Variants in ARHGAP15 observed in about 807,000 individuals in gnomAD.
ARHGAP15 encodes rho GTPase-activating protein 15.
ARHGAP15 carries 51 observed loss-of-function variants against 63.7 expected under a neutral mutation model. The ratio of observed to expected loss-of-function variants is 0.80; its 90% CI spans 0.64 to 1.01. The LOEUF is 1.01. Among genes scored for constraint, ARHGAP15 ranks in the 50% least tolerant of loss-of-function variants. The pLI, the probability that ARHGAP15 is intolerant of heterozygous loss-of-function variation, is 0.00. For missense variants in ARHGAP15, 560 were observed against 564.6 expected (o/e 0.99, Z 0.08); for synonymous variants, 191 against 193.8 (o/e 0.99, Z 0.12).
At chr2:143,402,337 G>A (rs1407910725) in intron 6 of ARHGAP15, among the ~76,000 whole-genome samples, 1 of 151,862 alleles carries the variant, frequency 6.6e-6, no homozygotes, top group African/African-American at 2.4e-5. Context: ...ATTAAAGAGA[G>A]AATGAGAGGC....
chr2:143,323,038 C>T (rs1684094088), intron 6 of ARHGAP15, among the ~76,000 whole-genome samples: 1 of 152,170 alleles, frequency 6.6e-6, no homozygotes, highest in African/African-American at 2.4e-5. Flanking sequence ...CTCCCTTGAC[C>T]AAAGCTTCCA....
intron 6 of ARHGAP15, among the ~76,000 whole-genome samples, chr2:143,419,851 C>T (rs1688843533): frequency 6.9e-6 from 1 of 145,204 alleles, no homozygotes; most frequent in African/African-American, 2.6e-5. Context: ...ATATATTTTC[C>T]TAAGAAAAGT....
At chr2:143,396,539 A>G (rs559864896) in intron 6 of ARHGAP15, among the ~76,000 whole-genome samples, 3 of 152,062 alleles carry the variant, frequency 2.0e-5, no homozygotes, top group Non-Finnish European at 4.4e-5. Flanking sequence ...TTGGTTCAAT[A>G]ATAAGGAGCT....
In ARHGAP15 at chr2:143,526,712, G is replaced by GA. The variant is rs926662787; in HGVS notation, c.925+7349dup. 6.4e-4 allele frequency among the ~76,000 whole-genome samples: 97 copies of GA among 151,638 alleles called. 1 individual carries two copies. In the South Asian group the frequency reaches 7.5e-3, roughly 12 times the overall value. On this transcript the variant is annotated intron_variant, in intron 10 of 13. Transcript: ENST00000295095. Reference sequence around the variant, plus strand: ...CTGGAAGCAAATGTTTACAAAATTTGAGAAAAAATTGCATGCATTTGGAAA... The same window carrying GA: ...CTGGAAGCAAATGTTTACAAAATTTGAAGAAAAAATTGCATGCATTTGGAAA...
chr2:143,238,311 A>G (rs1280877373), intron 5 of ARHGAP15: 2 of 152,196 alleles, frequency 1.3e-5, no homozygotes, highest in Non-Finnish European at 2.9e-5. Context: ...CAAAATTCTA[A>G]TATCCAGAGT....
chr2:143,519,014 A>G (rs543481026), intron 9 of ARHGAP15: 12 of 299,620 alleles, frequency 4.0e-5, no homozygotes, highest in South Asian at 7.8e-5. Context: ...CAGAGAGACT[A>G]TAACTTACAT....
At chr2:143,591,385 C>T (rs1697313056) in intron 11 of ARHGAP15, among the ~76,000 whole-genome samples, 1 of 152,106 alleles carries the variant, frequency 6.6e-6, no homozygotes, top group African/African-American at 2.4e-5. Flanking sequence ...AAATGTGGAT[C>T]CTGGAATCAC....
At chr2:143,349,951 A>T (rs536291146) in intron 6 of ARHGAP15, among the ~76,000 whole-genome samples, 1 of 152,322 alleles carries the variant, frequency 6.6e-6, no homozygotes, top group South Asian at 2.1e-4. Context: ...CACCATTTCA[A>T]TTTAAACTTA....
At chr2:143,374,102 T>C (rs879534189) in intron 6 of ARHGAP15, among the ~76,000 whole-genome samples, 13 of 152,214 alleles carry the variant, frequency 8.5e-5, no homozygotes, top group Non-Finnish European at 1.2e-4. Flanking sequence ...ACTTTTGTTA[T>C]TTCTCAAAGA....
chr2:143,411,904 A>G (rs1306657263), intron 6 of ARHGAP15, among the ~76,000 whole-genome samples: 20 of 152,164 alleles, frequency 1.3e-4, no homozygotes, highest in Non-Finnish European at 8.8e-5. Flanking sequence ...AAAGAGAGGG[A>G]ATAATTTGAG....
At position 143,215,161 on chromosome 2, in the gene ARHGAP15, C is replaced by T. The variant is rs114768951; in HGVS notation, c.235-1223C>T. Among the ~76,000 whole-genome samples the T allele has an allele frequency of 3.8e-3, 585 of 152,280 alleles. 4 individuals are homozygous for T. Among genetic ancestry groups the T allele is most frequent in the African/African-American group, 0.013 (535 of 41,542 alleles). ...CAACATGATCTGATATGTGCTGTCA[C>T]AGTGACAATGGCAAACTGAAAATGG... is the stretch of plus-strand genomic sequence containing the variant. On this transcript the variant is annotated intron_variant, in intron 3 of 13. Coordinates refer to ENST00000295095, the MANE Select transcript of ARHGAP15 (RefSeq NM_018460.4).
intron 2 of ARHGAP15, among the ~76,000 whole-genome samples, chr2:143,187,939 G>A (rs1691512643): frequency 1.3e-5 from 2 of 152,084 alleles, no homozygotes; most frequent in African/African-American, 4.8e-5. Context: ...ATGAAGTTAA[G>A]ACTTTAGTCT....
intron 6 of ARHGAP15, among the ~76,000 whole-genome samples, chr2:143,319,512 G>A (rs535528103): frequency 3.9e-5 from 6 of 152,144 alleles, no homozygotes; most frequent in South Asian, 2.1e-4. Flanking sequence ...ATGAGCCACC[G>A]CACCTGGCCA....
intron 13 of ARHGAP15, among the ~76,000 whole-genome samples, chr2:143,742,532 T>C (rs1685999927): frequency 1.3e-5 from 2 of 152,216 alleles, no homozygotes; most frequent in Admixed American, 6.5e-5. Context: ...CTCCCTCTTA[T>C]GTCAGAAGAA....
At chr2:143,436,857 T>C (rs1460196187) in intron 7 of ARHGAP15, 56 bp from the exon 8 acceptor site, 5 of 1,568,722 alleles carry the variant, frequency 3.2e-6, no homozygotes, top group South Asian at 2.4e-5. Flanking sequence ...CAAAATTCTA[T>C]GGTGAATCCT....
chr2:143,400,803 ATT>A (rs1687959760), intron 6 of ARHGAP15, among the ~76,000 whole-genome samples: 1 of 152,020 alleles, frequency 6.6e-6, no homozygotes, highest in Non-Finnish European at 1.5e-5. Context: ...TTTAGTCTCA[ATT>A]CTCCCCCTAT....
intron 6 of ARHGAP15, among the ~76,000 whole-genome samples, chr2:143,271,013 T>C (rs1051901651): frequency 2.6e-5 from 4 of 152,226 alleles, no homozygotes; most frequent in African/African-American, 7.2e-5. Flanking sequence ...TTCTGTCCAA[T>C]AGCTCCTCTC....
intron 6 of ARHGAP15, among the ~76,000 whole-genome samples, chr2:143,335,336 A>C (rs1684724675): frequency 6.6e-6 from 1 of 152,210 alleles, no homozygotes; most frequent in Non-Finnish European, 1.5e-5. Context: ...ATAATGGAAA[A>C]TCCTCTTAAA....
intron 6 of ARHGAP15, among the ~76,000 whole-genome samples, chr2:143,269,245 A>T (rs1681150270): frequency 6.6e-6 from 1 of 152,154 alleles, no homozygotes; most frequent in Non-Finnish European, 1.5e-5. Flanking sequence ...GCGGTCAGAG[A>T]TAAAGATATA....
Sources: gnomAD v4.1 joint callset for allele counts (sites outside exome capture counted in the v4.1 genomes callset) on GRCh38, gnomAD v4.1.1 for gene constraint, MANE v1.5 for transcripts, NCBI Gene and HGNC (gene_info 2026-07-23, HGNC 2026-07-21) for gene names.